The following SYT17 variants were observed in gnomAD, a reference collection of about 807,000 sequenced individuals.
The protein encoded by SYT17 is synaptotagmin 17.
In SYT17, 22 loss-of-function variants were observed where a neutral mutation model predicts 46.7. The ratio of observed to expected loss-of-function variants is 0.47; its 90% CI spans 0.34 to 0.67. The LOEUF is 0.67. Among genes scored for constraint, SYT17 ranks in the 30% least tolerant of loss-of-function variants. The pLI is 0.01. For synonymous variants in SYT17, 251 were observed against 248.4 expected (o/e 1.01, Z -0.10); for missense variants, 519 against 612.8 (o/e 0.85, Z 1.62).
rs148743599 is a variant in SYT17, at chr16:19,180,946, T to C, written c.331+407T>C. On this transcript the variant is annotated intron_variant, in intron 4 of 7. Coordinates refer to ENST00000355377, the MANE Select transcript of SYT17 (RefSeq NM_016524.4). ...TGCAGAGGTTGCATAGAGATAAACA[T>C]TGCCTGAGTGCAGTGACAAATGGCA... Among the ~76,000 whole-genome samples, 1,400 of 152,266 alleles carry C rather than the reference T, an allele frequency of 9.2e-3. 16 individuals carry two copies. Among genetic ancestry groups the C allele is most frequent in the African/African-American group, 0.032 (1,320 of 41,536 alleles).
intron 2 of SYT17, 89 bp downstream of exon 2, chr16:19,172,866 T>C: frequency 6.8e-7 from 1 of 1,478,950 alleles, no homozygotes; most frequent in South Asian, 1.2e-5. Context: ...GCTGTGGGGA[T>C]ATTGAATATT....
chr16:19,192,421 A>G (rs73532732), intron 5 of SYT17, among the ~76,000 whole-genome samples: 5,398 of 151,904 alleles, frequency 0.036, 314 homozygotes, highest in African/African-American at 0.12. Flanking sequence ...ACCCTGTCTC[A>G]TAGAAAAAAA....
At chr16:19,245,213 C>CATTGTCTCCCTAGAGG (rs1310116140) in intron 7 of SYT17, among the ~76,000 whole-genome samples, 1 of 152,164 alleles carries the variant, frequency 6.6e-6, no homozygotes, top group African/African-American at 2.4e-5. Flanking sequence ...CCTGGGGTGA[C>CATTGTCTCCCTAGAGG]ATTGTCTCCC....
At chr16:19,243,500 G>A (rs1181357898) in intron 7 of SYT17, among the ~76,000 whole-genome samples, 1 of 152,122 alleles carries the variant, frequency 6.6e-6, no homozygotes, top group Non-Finnish European at 1.5e-5. Flanking sequence ...CTAAGGAGAA[G>A]CCAGGACACT....
intron 2 of SYT17, 149 bp from the exon 3 acceptor site, chr16:19,173,281 G>T (rs1222666885): frequency 1.5e-5 from 9 of 590,484 alleles, no homozygotes; most frequent in Non-Finnish European, 5.9e-6. Context: ...TCTAAGTGCT[G>T]AGCAGCAGAG....
intron 5 of SYT17, among the ~76,000 whole-genome samples, chr16:19,219,968 T>C (rs778405600): frequency 1.3e-4 from 20 of 152,318 alleles, no homozygotes; most frequent in Non-Finnish European, 2.5e-4. Context: ...CTGAGAATTC[T>C]CCGCATTGCT....
intron 7 of SYT17, among the ~76,000 whole-genome samples, chr16:19,249,389 G>A (rs1406568269): frequency 6.6e-6 from 1 of 152,208 alleles, no homozygotes; most frequent in Admixed American, 6.5e-5. Context: ...GGGAGGGGAT[G>A]GAGTGGAAAG....
In SYT17 at chr16:19,172,162, C is replaced by T. The variant is rs763700233; in HGVS notation, c.16-598C>T. 2.8e-4 allele frequency: 56 copies of T among 200,542 alleles called. 1 individual carries two copies. The South Asian group carries it at 2.9e-3, about 10-fold the overall frequency. The allele number at this position is 200,542 out of a possible 1,614,324, so 12.4% of individuals were successfully genotyped here. A position where few individuals can be genotyped will look rare whatever the true frequency, so the allele number is the denominator to read the frequency against. On this transcript the variant is annotated intron_variant, in intron 1 of 7. Transcript: ENST00000355377. ...AACCCAGGAGACGAAGATGGGGAGG[C>T]GGGGTGGGGCCACAACAGGAAGGGA...
At chr16:19,255,599 C>A (rs1968503756) in intron 7 of SYT17, among the ~76,000 whole-genome samples, 2 of 151,836 alleles carry the variant, frequency 1.3e-5, no homozygotes, top group South Asian at 4.2e-4. Context: ...TCAGCCTGGA[C>A]AACATAGCAA....
chr16:19,190,922 T>C (rs1306098874), intron 5 of SYT17, among the ~76,000 whole-genome samples: 2 of 151,996 alleles, frequency 1.3e-5, no homozygotes, highest in African/African-American at 4.8e-5. Context: ...TGAACATGGG[T>C]GTGCAGATGG....
At chr16:19,172,608 C>T (rs755282825) in intron 1 of SYT17, 152 bp from the exon 2 acceptor site, 57 of 1,530,490 alleles carry the variant, frequency 3.7e-5, no homozygotes, top group Non-Finnish European at 4.5e-5. Context: ...GCTCCCTTCC[C>T]AGGATGGTAA....
chr16:19,225,011 C>T (rs141592528), intron 7 of SYT17, among the ~76,000 whole-genome samples, 173 bp downstream of exon 7: 164 of 152,246 alleles, frequency 1.1e-3, no homozygotes, highest in African/African-American at 3.9e-3. Flanking sequence ...TCATAGAGCC[C>T]TATAATATAA....
At chr16:19,174,277 C>T (rs943819188) in intron 3 of SYT17, among the ~76,000 whole-genome samples, 1 of 152,216 alleles carries the variant, frequency 6.6e-6, no homozygotes, top group Non-Finnish European at 1.5e-5. Flanking sequence ...TTCTCAGCCA[C>T]GTGCCTGGTC....
At chr16:19,248,369 G>C (rs1484481609) in intron 7 of SYT17, among the ~76,000 whole-genome samples, 3 of 152,048 alleles carry the variant, frequency 2.0e-5, no homozygotes, top group South Asian at 2.1e-4. Context: ...TATACTCCTA[G>C]GTATTTACCC....
Position 19,185,742 on chromosome 16 carries a change from G to A in SYT17, c.951+1595G>A, listed in dbSNP as rs976526085. 3.9e-5 allele frequency among the ~76,000 whole-genome samples: 6 copies of A among 152,326 alleles called. No individual in the cohort carries two copies. The South Asian group carries it at 1.2e-3, about 32-fold the overall frequency. ...CCTGTGCTCCCTCACCTCACTTCAG[G>A]TGAAGTGGAGGTAGTAACACCACCT... On this transcript the variant is annotated intron_variant, in intron 5 of 7. Transcript: ENST00000355377.
chr16:19,235,759 G>A (rs1279556193), intron 7 of SYT17, among the ~76,000 whole-genome samples: 3 of 152,120 alleles, frequency 2.0e-5, no homozygotes, highest in African/African-American at 7.2e-5. Flanking sequence ...TTAGAATTAC[G>A]TGGAAATTTT....
At chr16:19,232,946 T>A (rs1013004600) in intron 7 of SYT17, among the ~76,000 whole-genome samples, 6 of 152,144 alleles carry the variant, frequency 3.9e-5, no homozygotes, top group Admixed American at 3.3e-4. Flanking sequence ...TCAGGGACTT[T>A]AAAAAAACTC....
chr16:19,190,099 T>C (rs1407678563), intron 5 of SYT17, among the ~76,000 whole-genome samples: 4 of 152,244 alleles, frequency 2.6e-5, no homozygotes, highest in Admixed American at 6.5e-5. Context: ...TTACACTGGC[T>C]ATTTAGAGAA....
At chr16:19,260,010 G>A (rs1394107264) in intron 7 of SYT17, among the ~76,000 whole-genome samples, 1 of 152,104 alleles carries the variant, frequency 6.6e-6, no homozygotes, top group Non-Finnish European at 1.5e-5. Flanking sequence ...ACTGGGGAGT[G>A]TGTGGGGTGA....
Sources: allele counts gnomAD v4.1 joint callset (sites outside exome capture counted in the v4.1 genomes callset), GRCh38; gene constraint gnomAD v4.1.1; transcripts MANE v1.5; gene names NCBI Gene and HGNC (gene_info 2026-07-23, HGNC 2026-07-21).